SUPT3H: variants seen among roughly 807,000 people sequenced by gnomAD.
The protein encoded by SUPT3H is SPT3 homolog, SAGA and STAGA complex component.
In SUPT3H, 44 loss-of-function variants were observed where a neutral mutation model predicts 44.3. The ratio of observed to expected loss-of-function variants is 0.99; its 90% CI spans 0.78 to 1.28. SUPT3H has a LOEUF of 1.28. Ranked by LOEUF, SUPT3H falls within the 50% of genes most tolerant of loss-of-function variation. The pLI is 0.00. For missense variants in SUPT3H, 380 were observed against 387.1 expected, an observed-to-expected ratio of 0.98 and a Z score of 0.15; for synonymous variants, 124 against 125.6, an observed-to-expected ratio of 0.99 and a Z score of 0.09.
chr6:45,179,935 T>C (rs978836244), intron 2 of SUPT3H, among the ~76,000 whole-genome samples: 3 of 152,190 alleles, frequency 2.0e-5, no homozygotes, highest in Non-Finnish European at 2.9e-5. Flanking sequence ...TTGTCCCTGT[T>C]TGCAGATGAC....
intron 10 of SUPT3H, among the ~76,000 whole-genome samples, chr6:44,909,791 T>C (rs944533180): frequency 1.3e-5 from 2 of 152,150 alleles, no homozygotes; most frequent in African/African-American, 4.8e-5. Flanking sequence ...GCTGAGGGCA[T>C]TACAAGTCTT....
At position 44,972,538 on chromosome 6, in the gene SUPT3H, G is replaced by C. The variant is rs546965521; in HGVS notation, c.505-10710C>G. On this transcript the variant is annotated intron_variant, in intron 6 of 10. Coordinates refer to ENST00000371459, the MANE Select transcript of SUPT3H (RefSeq NM_003599.4). ...AGTGGATCTACCATTCTGCGATCTG[G>C]AGAATGGTGGCCCTTTTACAGCTCT... 2.0e-4 allele frequency among the ~76,000 whole-genome samples: 30 copies of C among 152,294 alleles called. No individual in the cohort carries two copies. In the South Asian group the frequency reaches 6.0e-3, roughly 31 times the overall value.
intron 10 of SUPT3H, among the ~76,000 whole-genome samples, chr6:44,914,926 A>G (rs922066764): frequency 2.6e-5 from 4 of 152,200 alleles, no homozygotes; most frequent in African/African-American, 9.7e-5. Flanking sequence ...TTAGGACTAG[A>G]TCCAAAAGGA....
chr6:45,196,021 G>A (rs1411516782), intron 2 of SUPT3H, among the ~76,000 whole-genome samples: 3 of 152,134 alleles, frequency 2.0e-5, no homozygotes, highest in South Asian at 2.1e-4. Context: ...AATATTTACA[G>A]GTTAGAAAAG....
chr6:45,231,650 G>C (rs1055557221), intron 2 of SUPT3H, among the ~76,000 whole-genome samples: 1 of 152,142 alleles, frequency 6.6e-6, no homozygotes, highest in Non-Finnish European at 1.5e-5. Flanking sequence ...GCTAGACTTA[G>C]GAAGTTTTAA....
intron 2 of SUPT3H, among the ~76,000 whole-genome samples, chr6:45,282,513 A>G (rs1441839146): frequency 6.6e-6 from 1 of 152,238 alleles, no homozygotes; most frequent in Non-Finnish European, 1.5e-5. Flanking sequence ...GAATGAAATG[A>G]AGTGAGAAGA....
intron 10 of SUPT3H, among the ~76,000 whole-genome samples, chr6:44,847,414 T>C (rs763184773): frequency 5.9e-5 from 9 of 152,218 alleles, no homozygotes; most frequent in Non-Finnish European, 1.2e-4. Context: ...CTATCGCCAC[T>C]TGACTCATTC....
At chr6:44,877,066 T>C (rs1464649815) in intron 10 of SUPT3H, among the ~76,000 whole-genome samples, 1 of 152,226 alleles carries the variant, frequency 6.6e-6, no homozygotes, top group Non-Finnish European at 1.5e-5. Context: ...TTTAAATATC[T>C]TATCCTATGT....
chr6:45,099,973 A>G (rs903222068), intron 3 of SUPT3H, among the ~76,000 whole-genome samples: 1 of 152,170 alleles, frequency 6.6e-6, no homozygotes, highest in African/African-American at 2.4e-5. Context: ...AAATACAGAC[A>G]AGAATATTCC....
chr6:45,061,727 A>ATT (rs1792074774), intron 3 of SUPT3H, among the ~76,000 whole-genome samples: 2 of 8,658 alleles, frequency 2.3e-4, no homozygotes, highest in Non-Finnish European at 3.2e-4. Context: ...TCTAAAATCC[A>ATT]TTATGACTAT....
chr6:45,035,309 T>C (rs557148926), intron 3 of SUPT3H, among the ~76,000 whole-genome samples: 1 of 152,188 alleles, frequency 6.6e-6, no homozygotes, highest in Non-Finnish European at 1.5e-5. Context: ...TTAATATGGA[T>C]GTAATGATAC....
In SUPT3H at chr6:44,922,505, C is replaced by T. The variant is rs150072318; in HGVS notation, c.912+10148G>A. 3.7e-4 allele frequency among the ~76,000 whole-genome samples: 56 copies of T among 152,276 alleles called. 2 individuals are homozygous for T. The highest frequency in any genetic ancestry group is 3.1e-3 in the East Asian group (16 of 5,186). ...AAAAAGTAAATCACCTACAGTTCAA[C>T]AGGCTCTCATCACAGGTATTTGGAG... On this transcript the variant is annotated intron_variant, in intron 10 of 10. Coordinates refer to ENST00000371459, the MANE Select transcript of SUPT3H (RefSeq NM_003599.4).
At chr6:45,367,721 T>C (rs958011645) in intron 1 of SUPT3H, among the ~76,000 whole-genome samples, 5 of 152,306 alleles carry the variant, frequency 3.3e-5, no homozygotes, top group African/African-American at 1.2e-4. Context: ...TGCCATTCCA[T>C]GGGATTATCC....
chr6:45,304,119 G>A (rs1438811942), intron 2 of SUPT3H, among the ~76,000 whole-genome samples: 1 of 152,132 alleles, frequency 6.6e-6, no homozygotes. Flanking sequence ...GGATCAGTAA[G>A]AGTTAGTCAC....
At chr6:45,129,437 G>C (rs1803063971) in intron 2 of SUPT3H, among the ~76,000 whole-genome samples, 1 of 152,060 alleles carries the variant, frequency 6.6e-6, no homozygotes, top group Admixed American at 6.6e-5. Context: ...CTAGTTATGT[G>C]GTCTCACACT....
intron 10 of SUPT3H, among the ~76,000 whole-genome samples, chr6:44,845,174 T>C (rs1447566065): frequency 6.6e-6 from 1 of 152,190 alleles, no homozygotes; most frequent in African/African-American, 2.4e-5. Context: ...ATAAATTCCA[T>C]TCATTTTGGC....
intron 7 of SUPT3H, among the ~76,000 whole-genome samples, 167 bp downstream of exon 7, chr6:44,961,586 A>C (rs1389643712): frequency 2.0e-5 from 3 of 152,174 alleles, no homozygotes; most frequent in Non-Finnish European, 4.4e-5. Flanking sequence ...GAATGTAGGA[A>C]AATCATTTAT....
intron 9 of SUPT3H, among the ~76,000 whole-genome samples, chr6:44,946,143 G>A (rs1773305072): frequency 6.6e-6 from 1 of 152,132 alleles, no homozygotes; most frequent in South Asian, 2.1e-4. Flanking sequence ...TTTAATTCCA[G>A]TGTTGAGACC....
chr6:44,926,210 TA>T (rs1277962557), intron 10 of SUPT3H, among the ~76,000 whole-genome samples: 1 of 152,032 alleles, frequency 6.6e-6, no homozygotes, highest in Non-Finnish European at 1.5e-5. Flanking sequence ...TTCCATATAT[TA>T]GATAAAAATG....
Sources: allele counts gnomAD v4.1 joint callset (sites outside exome capture counted in the v4.1 genomes callset), GRCh38; gene constraint gnomAD v4.1.1; transcripts MANE v1.5; gene names NCBI Gene and HGNC (gene_info 2026-07-23, HGNC 2026-07-21).